The following HRH1 variants were observed in gnomAD, a reference collection of about 807,000 sequenced individuals.
HRH1 encodes the protein histamine receptor H1, also known as histamine H1 receptor.
HRH1 carries 6 observed loss-of-function variants against 10.3 expected under a neutral mutation model. The observed-to-expected ratio is 0.58, with a 90% CI of 0.32 to 1.15. The LOEUF (loss-of-function observed/expected upper bound fraction) is 1.15. Among genes scored for constraint, HRH1 ranks in the 50% most tolerant of loss-of-function variants. HRH1 has a pLI of 0.05. For synonymous variants in HRH1, 242 were observed against 236.7 expected (o/e 1.02, Z -0.21); for missense variants, 514 against 615.3 (o/e 0.84, Z 1.74).
intron 1 of HRH1, among the ~76,000 whole-genome samples, chr3:11,219,243 CT>C (rs1938615241): frequency 2.0e-5 from 3 of 152,106 alleles, no homozygotes; most frequent in South Asian, 2.1e-4. Context: ...GGAGCAGTGA[CT>C]CCAGAAAACC....
chr3:11,201,859 G>T (rs1014167671), intron 1 of HRH1, among the ~76,000 whole-genome samples: 1 of 152,156 alleles, frequency 6.6e-6, no homozygotes, highest in Non-Finnish European at 1.5e-5. Flanking sequence ...TAACTTTTCC[G>T]AGAAGTTAAA....
intron 1 of HRH1, among the ~76,000 whole-genome samples, chr3:11,214,763 G>A (rs145078525): frequency 1.3e-5 from 2 of 152,320 alleles, no homozygotes; most frequent in East Asian, 3.9e-4. Flanking sequence ...GGAGGTTGGG[G>A]AGGCAGCATA....
intron 1 of HRH1, among the ~76,000 whole-genome samples, chr3:11,239,900 A>G (rs920764664): frequency 4.6e-5 from 7 of 151,996 alleles, no homozygotes; most frequent in African/African-American, 7.3e-5. Flanking sequence ...CAATTATTCA[A>G]TTGTTTCATT....
At position 11,260,019 on chromosome 3, in the gene HRH1, C is replaced by T. The variant is rs933083496; in HGVS notation, c.982C>T (p.His328Tyr). ...SRDYVAVNRS[H>Y]GQLKTDEQGL... is the part of the protein sequence containing the mutation. ...GGACTATGTAGCCGTCAACCGGAGC[C>T]ATGGCCAGCTCAAGACAGATGAGCA... The change falls in exon 2 of 2, where the codon CAT becomes TAT. Residue 328 changes from histidine (H) to tyrosine (Y), a missense_variant. By Grantham distance (83) the His-to-Tyr change is moderately conservative (BLOSUM62 2). Transcript: ENST00000431010. 4 of 1,614,016 alleles carry T rather than the reference C, an allele frequency of 2.5e-6. No individual in the cohort carries two copies. The African/African-American group carries it at 5.3e-5, about 22-fold the overall frequency.
rs1253980738 is a variant in HRH1 at position 11,259,891 on chromosome 3, C to T, written c.854C>T (p.Ser285Phe). ...TCCCAAACCCCCAAGGAGATGAAAT[C>T]CCCAGTTGTCTTCAGCCAAGAGGAT... ...SPSQTPKEMK[S>F]PVVFSQEDDR... Residue 285 changes from serine to phenylalanine, a missense_variant, in exon 2 of 2, where the codon TCC becomes TTC. By Grantham distance (155) the Ser-to-Phe change is radical. Coordinates refer to ENST00000431010, the MANE Select transcript of HRH1 (RefSeq NM_001098212.2). The surrounding 1 kb of genome is among the most constrained non-coding windows in gnomAD (Gnocchi z 4.6). The T allele has an allele frequency of 6.2e-7, 1 of 1,614,134 alleles. No homozygotes were observed. Among genetic ancestry groups the T allele is most frequent in the Non-Finnish European group, 8.5e-7 (1 of 1,180,012 alleles).
intron 1 of HRH1, among the ~76,000 whole-genome samples, chr3:11,215,731 G>A (rs553866726): frequency 1.8e-3 from 280 of 152,330 alleles, no homozygotes; most frequent in African/African-American, 6.3e-3. Context: ...GTGAGCCACC[G>A]CGCCCAGCCG....
chr3:11,162,005 G>A (rs759549129), intron 1 of HRH1, among the ~76,000 whole-genome samples: 58 of 152,220 alleles, frequency 3.8e-4, no homozygotes, highest in Non-Finnish European at 7.3e-4. Flanking sequence ...CAGAGTGACA[G>A]TGGAGCGTGT....
intron 1 of HRH1, among the ~76,000 whole-genome samples, chr3:11,242,779 T>C (rs951552025): frequency 4.6e-5 from 7 of 152,238 alleles, no homozygotes; most frequent in African/African-American, 1.7e-4. Context: ...AAAGGTATGG[T>C]ACAATATTCG....
intron 1 of HRH1, among the ~76,000 whole-genome samples, chr3:11,194,888 A>G (rs1056983152): frequency 2.0e-5 from 3 of 152,244 alleles, no homozygotes; most frequent in Non-Finnish European, 2.9e-5. Context: ...AAGCTGTGAA[A>G]TTGCCAGTTT....
chr3:11,220,378 C>G (rs955780296), intron 1 of HRH1, among the ~76,000 whole-genome samples: 3 of 152,186 alleles, frequency 2.0e-5, no homozygotes, highest in African/African-American at 7.2e-5. Context: ...GAATCCCTGT[C>G]CTCTGTGAGA....
At chr3:11,157,841 C>T (rs535239099) in intron 1 of HRH1, among the ~76,000 whole-genome samples, 2 of 152,166 alleles carry the variant, frequency 1.3e-5, no homozygotes, top group Non-Finnish European at 2.9e-5. Context: ...GGAAGCTGCC[C>T]CCAGGGAGTA....
chr3:11,204,747 CAG>C (rs1224086337), intron 1 of HRH1, among the ~76,000 whole-genome samples: 1 of 152,200 alleles, frequency 6.6e-6, no homozygotes, highest in East Asian at 1.9e-4. Flanking sequence ...AATGAGAAAA[CAG>C]AGGCTCAGAA....
chr3:11,247,870 A>G (rs1214099502), intron 1 of HRH1, among the ~76,000 whole-genome samples: 3 of 152,202 alleles, frequency 2.0e-5, no homozygotes, highest in Non-Finnish European at 4.4e-5. Flanking sequence ...TCTTTGCACT[A>G]AACCGCAAAT....
chr3:11,165,908 A>G (rs1282725308), intron 1 of HRH1, among the ~76,000 whole-genome samples: 1 of 152,248 alleles, frequency 6.6e-6, no homozygotes, highest in Non-Finnish European at 1.5e-5. Context: ...GAGTAAGGGA[A>G]TAATGGTGTG....
At chr3:11,187,620 GC>G (rs1297820995) in intron 1 of HRH1, among the ~76,000 whole-genome samples, 10 of 152,258 alleles carry the variant, frequency 6.6e-5, no homozygotes, top group African/African-American at 2.4e-4. Context: ...AGTCAGGTAT[GC>G]ATTATTTCAT....
At chr3:11,158,616 G>C (rs1199075977) in intron 1 of HRH1, among the ~76,000 whole-genome samples, 1 of 151,878 alleles carries the variant, frequency 6.6e-6, no homozygotes, top group East Asian at 1.9e-4. Flanking sequence ...TCGTGACATG[G>C]CTTCCTAATG....
chr3:11,186,603 C>T (rs538929147), intron 1 of HRH1, among the ~76,000 whole-genome samples: 1 of 152,292 alleles, frequency 6.6e-6, no homozygotes, highest in South Asian at 2.1e-4. Flanking sequence ...GGAGCTTCTC[C>T]CTGCCTTGGA....
At chr3:11,229,138 A>G (rs1175753512) in intron 1 of HRH1, among the ~76,000 whole-genome samples, 1 of 152,024 alleles carries the variant, frequency 6.6e-6, no homozygotes, top group African/African-American at 2.4e-5. Flanking sequence ...TTCTTTATCA[A>G]CCTTTCCACC....
At chr3:11,163,691 T>C (rs990640723) in intron 1 of HRH1, among the ~76,000 whole-genome samples, 3 of 151,470 alleles carry the variant, frequency 2.0e-5, no homozygotes, top group African/African-American at 7.4e-5. Context: ...ACACTAGTTA[T>C]TACATTAGCA....
Sources: allele counts gnomAD v4.1 joint callset (sites outside exome capture counted in the v4.1 genomes callset), GRCh38; gene constraint gnomAD v4.1.1; non-coding constraint Gnocchi (gnomAD v3.1); transcripts MANE v1.5; gene names NCBI Gene and HGNC (gene_info 2026-07-23, HGNC 2026-07-21).